The following PRKD1 variants were observed in gnomAD, a reference collection of about 807,000 sequenced individuals.
The protein encoded by PRKD1 is protein kinase D1.
PRKD1 carries 63 observed loss-of-function variants against 95.9 expected under a neutral mutation model. The ratio of observed to expected loss-of-function variants is 0.66; its 90% confidence interval spans 0.54 to 0.81. PRKD1 has a LOEUF of 0.81. PRKD1 is among the 30% of genes least tolerant of loss of function. The pLI, the probability that PRKD1 is intolerant of heterozygous loss-of-function variation, is 0.00. For missense variants in PRKD1, 1,048 were observed against 1,165.3 expected (o/e 0.90, Z 1.47); for synonymous variants, 425 against 423.1 (o/e 1.00, Z -0.05).
rs115458692 is a variant in PRKD1 at position 29,647,961 on chromosome 14, G to A, written c.697-9057C>T. On this transcript the variant is annotated intron_variant, in intron 4 of 17. Coordinates refer to ENST00000331968, the MANE Select transcript of PRKD1 (RefSeq NM_002742.3). ...AGCAGTTAATCATTAGGTAACATTC[G>A]TGAGATTCAGCTTACATCTTGGGAA... is the stretch of plus-strand genomic sequence containing the variant. Among the ~76,000 whole-genome samples the A allele has an allele frequency of 5.1e-3, 779 of 152,272 alleles. 13 individuals are homozygous for A. The highest frequency in any genetic ancestry group is 0.017 in the African/African-American group (722 of 41,530).
chr14:29,913,066 A>T (rs2139124320), intron 1 of PRKD1, among the ~76,000 whole-genome samples: 1 of 152,358 alleles, frequency 6.6e-6, no homozygotes, highest in East Asian at 1.9e-4. Context: ...AAGTGAGACT[A>T]AGCAATTAGC....
chr14:29,775,511 G>A (rs964192525), intron 1 of PRKD1, among the ~76,000 whole-genome samples: 14 of 152,146 alleles, frequency 9.2e-5, no homozygotes, highest in Non-Finnish European at 1.9e-4. Context: ...CCCACGCCTG[G>A]CTCGAGGGTC....
At position 29,630,909 on chromosome 14, in the gene PRKD1, T is replaced by A. The variant is rs775276952; in HGVS notation, c.1505A>T (p.Tyr502Phe). 10 of 1,614,050 alleles carry A rather than the reference T, an allele frequency of 6.2e-6. No individual in the cohort carries two copies. The highest frequency in any genetic ancestry group is 7.6e-6 in the Non-Finnish European group (9 of 1,180,014). ...AGGATTGACCACATTTTCTCCCACA[T>A]AATACACTACATTTGCCGTAGTGAT... ...FEITTANVVY[Y>F]VGENVVNPSS... is the part of the protein sequence containing the mutation. Residue 502 changes from tyrosine (Y) to phenylalanine (F), a missense_variant, in exon 10 of 18, where the codon TAT becomes TTT. Transcript: ENST00000331968.
At chr14:29,688,250 T>C (rs561241410) in intron 2 of PRKD1, among the ~76,000 whole-genome samples, 1 of 152,304 alleles carries the variant, frequency 6.6e-6, no homozygotes, top group East Asian at 1.9e-4. Flanking sequence ...TGTGATTACT[T>C]TGGGCCCACT....
rs114402968 is a variant in PRKD1 at position 29,619,354 on chromosome 14, G to A, written c.1905+4798C>T. Among the ~76,000 whole-genome samples the A allele has an allele frequency of 6.4e-3, 973 of 152,222 alleles. 23 individuals carry two copies. Among genetic ancestry groups the A allele is most frequent in the African/African-American group, 0.022 (905 of 41,548 alleles). ...TTTTTAACTAACTAACCAGCCTTTT[G>A]CTACCTGGTTGGATACTATGGATGT... On this transcript the variant is annotated intron_variant, in intron 13 of 17. Coordinates refer to ENST00000331968, the MANE Select transcript of PRKD1 (RefSeq NM_002742.3).
intron 13 of PRKD1, among the ~76,000 whole-genome samples, chr14:29,620,768 C>T (rs1879194568): frequency 1.3e-5 from 2 of 152,082 alleles, no homozygotes; most frequent in Admixed American, 6.6e-5. Flanking sequence ...GTCAGTGTGG[C>T]GATTCCTCAG....
chr14:29,775,018 T>A (rs1888673047), intron 1 of PRKD1, among the ~76,000 whole-genome samples: 1 of 152,070 alleles, frequency 6.6e-6, no homozygotes, highest in South Asian at 2.1e-4. Context: ...TTTTGAGGCA[T>A]AAAATGACAA....
chr14:29,841,887 CAA>C (rs903632360), intron 1 of PRKD1, among the ~76,000 whole-genome samples: 1 of 151,448 alleles, frequency 6.6e-6, no homozygotes, highest in Non-Finnish European at 1.5e-5. Flanking sequence ...AGCTGTACCC[CAA>C]AAAAAATTTT....
intron 1 of PRKD1, among the ~76,000 whole-genome samples, chr14:29,736,388 C>T (rs1457732782): frequency 2.0e-5 from 3 of 152,076 alleles, no homozygotes; most frequent in African/African-American, 7.2e-5. Context: ...TGAAACAATG[C>T]CTGACAACTG....
chr14:29,884,505 A>T (rs983221944), intron 1 of PRKD1, among the ~76,000 whole-genome samples: 1 of 152,210 alleles, frequency 6.6e-6, no homozygotes, highest in Non-Finnish European at 1.5e-5. Flanking sequence ...AACCTTGAAG[A>T]TAAAAATAAC....
chr14:29,671,496 A>G (rs891551520), intron 2 of PRKD1, among the ~76,000 whole-genome samples: 2 of 152,188 alleles, frequency 1.3e-5, no homozygotes, highest in East Asian at 1.9e-4. Context: ...ATAGGCCTCA[A>G]ACTCAGAAAT....
intron 1 of PRKD1, among the ~76,000 whole-genome samples, chr14:29,814,980 T>C (rs1482433631): frequency 6.6e-6 from 1 of 152,196 alleles, no homozygotes; most frequent in Non-Finnish European, 1.5e-5. Flanking sequence ...CGTATTAACA[T>C]AGATGAACAA....
At position 29,636,379 on chromosome 14, in the gene PRKD1, A is replaced by C. The variant is rs1249665087; in HGVS notation, c.1101T>G (p.Asp367Glu). 1 of 1,614,134 alleles carries C rather than the reference A, an allele frequency of 6.2e-7. No homozygotes were observed. The highest frequency in any genetic ancestry group is 1.1e-5 in the South Asian group (1 of 91,084). Residue 367 changes from aspartate to glutamate, a missense_variant, in exon 7 of 18, where the codon GAT becomes GAG. Coordinates refer to ENST00000331968, the MANE Select transcript of PRKD1 (RefSeq NM_002742.3). ...GGCACTCTGCCATTGCCATCTCTGC[A>C]TCTTGGACCATTGCTTCTTCCATAT... is the stretch of plus-strand genomic sequence containing the variant. ...MDDMEEAMVQ[D>E]AEMAMAECQN...
At chr14:29,819,211 G>C (rs957551116) in intron 1 of PRKD1, among the ~76,000 whole-genome samples, 2 of 152,124 alleles carry the variant, frequency 1.3e-5, no homozygotes, top group Non-Finnish European at 2.9e-5. Context: ...GGTAGGTTAA[G>C]GTACTTTATC....
intron 1 of PRKD1, among the ~76,000 whole-genome samples, chr14:29,731,214 GA>G (rs1886419503): frequency 6.6e-6 from 1 of 152,110 alleles, no homozygotes; most frequent in Non-Finnish European, 1.5e-5. Flanking sequence ...GGGTTATTCA[GA>G]AGAGTGTTGT....
chr14:29,725,362 C>A (rs1286965912), intron 2 of PRKD1, among the ~76,000 whole-genome samples, 174 bp downstream of exon 2: 2 of 152,244 alleles, frequency 1.3e-5, no homozygotes, highest in East Asian at 3.9e-4. Flanking sequence ...GTGGACACAG[C>A]CAATTAAAGG....
At chr14:29,737,149 C>T (rs45443794) in intron 1 of PRKD1, among the ~76,000 whole-genome samples, 1,880 of 150,430 alleles carry the variant, frequency 0.012, 28 homozygotes, top group African/African-American at 0.044. Flanking sequence ...GGTGAAACCC[C>T]GTCTCTACTA....
At chr14:29,623,344 G>A (rs1306170827) in intron 13 of PRKD1, among the ~76,000 whole-genome samples, 1 of 152,110 alleles carries the variant, frequency 6.6e-6, no homozygotes, top group African/African-American at 2.4e-5. Flanking sequence ...CTCAATAAAT[G>A]GCAGTTAAAT....
At chr14:29,652,924 A>T (rs1250630273) in intron 4 of PRKD1, 1 of 152,214 alleles carries the variant, frequency 6.6e-6, no homozygotes, top group Non-Finnish European at 1.5e-5. Context: ...AACTACTTTG[A>T]CTATTATAAA....
Sources: allele counts gnomAD v4.1 joint callset (sites outside exome capture counted in the v4.1 genomes callset), GRCh38; gene constraint gnomAD v4.1.1; transcripts MANE v1.5; gene names NCBI Gene and HGNC (gene_info 2026-07-23, HGNC 2026-07-21).